Variants in GPATCH2 observed in about 807,000 individuals in gnomAD.
The protein encoded by GPATCH2 is G patch domain-containing protein 2.
Under a neutral mutation model 58.0 loss-of-function variants are expected in GPATCH2, and 51 were observed. The observed-to-expected ratio is 0.88, with a 90% CI of 0.70 to 1.11. GPATCH2 has a LOEUF of 1.11. Among genes scored for constraint, GPATCH2 ranks in the 50% most tolerant of loss-of-function variants. The probability of loss-of-function intolerance (pLI) is 0.00; values close to 1 mark genes in which losing one functional copy is unlikely to be tolerated. For synonymous variants in GPATCH2, 222 were observed against 218.5 expected, an observed-to-expected ratio of 1.02 and a Z score of -0.14; for missense variants, 625 against 652.2, an observed-to-expected ratio of 0.96 and a Z score of 0.45.
intron 5 of GPATCH2, among the ~76,000 whole-genome samples, chr1:217,517,128 A>C (rs1444653673): frequency 6.6e-6 from 1 of 152,214 alleles, no homozygotes; most frequent in Non-Finnish European, 1.5e-5. Flanking sequence ...AGCTCAGTTC[A>C]ACTGCAGCAA....
intron 5 of GPATCH2, among the ~76,000 whole-genome samples, chr1:217,585,408 G>C (rs746283110): frequency 2.0e-5 from 3 of 152,122 alleles, no homozygotes; most frequent in Non-Finnish European, 4.4e-5. Context: ...AAATCACGAG[G>C]TCGAGAGATT....
intron 5 of GPATCH2, chr1:217,608,287 G>A (rs1329765655): frequency 5.1e-6 from 5 of 978,150 alleles, no homozygotes; most frequent in Non-Finnish European, 4.9e-6. Flanking sequence ...AAAACCCGAA[G>A]GAGTCCATTG....
At chr1:217,540,823 AG>A (rs1193928570) in intron 5 of GPATCH2, among the ~76,000 whole-genome samples, 3 of 152,232 alleles carry the variant, frequency 2.0e-5, no homozygotes, top group Admixed American at 2.0e-4. Flanking sequence ...ACAGCTTCCA[AG>A]GTGGCATTTA....
intron 8 of GPATCH2, among the ~76,000 whole-genome samples, chr1:217,465,039 G>A (rs1660380051): frequency 6.6e-6 from 1 of 151,890 alleles, no homozygotes; most frequent in Non-Finnish European, 1.5e-5. Flanking sequence ...TAAAGGGACT[G>A]GATAGAAGGA....
intron 5 of GPATCH2, chr1:217,609,201 A>T (rs1013756849): frequency 1.3e-5 from 13 of 983,092 alleles, no homozygotes; most frequent in Non-Finnish European, 1.6e-5. Context: ...TAGAAACATT[A>T]CATTTTCCCC....
chr1:217,541,116 G>A (rs17046577), intron 5 of GPATCH2, among the ~76,000 whole-genome samples: 31,226 of 152,004 alleles, frequency 0.21, 3,808 homozygotes, highest in East Asian at 0.36. Context: ...TTCTTTCATC[G>A]GTAGGCAAGT....
intron 9 of GPATCH2, among the ~76,000 whole-genome samples, chr1:217,448,621 T>G (rs913046632): frequency 2.6e-5 from 4 of 152,212 alleles, no homozygotes; most frequent in African/African-American, 9.6e-5. Context: ...TCCTCTCCGA[T>G]CTACAGTGAC....
intron 5 of GPATCH2, among the ~76,000 whole-genome samples, chr1:217,573,284 A>G (rs957225932): frequency 6.6e-6 from 1 of 152,142 alleles, no homozygotes. Context: ...ACATTTGAAG[A>G]GGGTCTTTGT....
intron 9 of GPATCH2, among the ~76,000 whole-genome samples, chr1:217,437,234 C>A (rs1658879884): frequency 6.6e-6 from 1 of 152,164 alleles, no homozygotes; most frequent in African/African-American, 2.4e-5. Context: ...TCTTCACAAC[C>A]CGCAGACCAT....
intron 1 of GPATCH2, among the ~76,000 whole-genome samples, chr1:217,623,153 C>A (rs1350697521): frequency 2.0e-5 from 3 of 151,946 alleles, no homozygotes; most frequent in Non-Finnish European, 4.4e-5. Flanking sequence ...AAATCAATAT[C>A]CTCTCTCTCT....
At chr1:217,533,366 C>T (rs9633497) in intron 5 of GPATCH2, among the ~76,000 whole-genome samples, 87,180 of 152,020 alleles carry the variant, frequency 0.57, 26,279 homozygotes, top group East Asian at 0.84. Flanking sequence ...AAGCACACAC[C>T]TCCTGGAGAC....
intron 9 of GPATCH2, 98 bp from the exon 10 acceptor site, chr1:217,431,463 G>T (rs1658531598): frequency 2.6e-6 from 2 of 764,026 alleles, no homozygotes. Context: ...GTTTTGTTTT[G>T]TTTTTCAACC....
chr1:217,503,793 G>A (rs1357590542), intron 6 of GPATCH2, among the ~76,000 whole-genome samples: 2 of 151,776 alleles, frequency 1.3e-5, no homozygotes, highest in Non-Finnish European at 2.9e-5. Flanking sequence ...TGAATTCCAG[G>A]AGGAAAAAAA....
chr1:217,562,826 A>G (rs1665996030), intron 5 of GPATCH2, among the ~76,000 whole-genome samples: 1 of 152,176 alleles, frequency 6.6e-6, no homozygotes, highest in Admixed American at 6.5e-5. Context: ...AGTTGTTGTA[A>G]AGGTTAACTA....
intron 5 of GPATCH2, among the ~76,000 whole-genome samples, chr1:217,593,768 G>A (rs1667697465): frequency 6.6e-6 from 1 of 151,814 alleles, no homozygotes; most frequent in Non-Finnish European, 1.5e-5. Flanking sequence ...ATATGGTATT[G>A]TAAAAACCAT....
rs79725877 is a variant in GPATCH2 at position 217,461,556 on chromosome 1, T to G, written c.1278-12219A>C. ...TAATAAATAGTTATTGAATAAAATTTAACAAGGCATGTCAAGGCTTTTTTA... is the reference window on the plus strand; with the variant it reads ...TAATAAATAGTTATTGAATAAAATTGAACAAGGCATGTCAAGGCTTTTTTA... On this transcript the variant is annotated intron_variant, in intron 8 of 9. Coordinates refer to ENST00000366935, the MANE Select transcript of GPATCH2 (RefSeq NM_018040.5). 9.5e-4 allele frequency among the ~76,000 whole-genome samples: 144 copies of G among 152,344 alleles called. 1 individual carries two copies. The East Asian group carries it at 0.021, about 22-fold the overall frequency.
chr1:217,523,631 C>T (rs1237535405), intron 5 of GPATCH2, among the ~76,000 whole-genome samples: 1 of 151,776 alleles, frequency 6.6e-6, no homozygotes, highest in Non-Finnish European at 1.5e-5. Context: ...CCTTTCCCCC[C>T]TTTCTATTCC....
At chr1:217,435,724 T>C (rs1202260114) in intron 9 of GPATCH2, among the ~76,000 whole-genome samples, 7 of 152,226 alleles carry the variant, frequency 4.6e-5, no homozygotes, top group Admixed American at 3.9e-4. Flanking sequence ...CTGTCCTCTG[T>C]TCTCAGCAAC....
At position 217,429,404 on chromosome 1, in the gene GPATCH2, A is replaced by G. The variant is rs1658436026; in HGVS notation, c.*1741T>C. 1 of 152,204 alleles carries G rather than the reference A, an allele frequency of 6.6e-6. No individual in the cohort carries two copies. The allele number at this position is 152,204 out of a possible 1,614,324, so 9.4% of individuals were successfully genotyped here. On this transcript the variant is annotated 3_prime_UTR_variant, in exon 10 of 10. Transcript: ENST00000366935. ...AAAGAAGATAATTCTCAAGAAATGT[A>G]CATTTGGCAAACCGTGAAGGCTTTC... is the stretch of plus-strand genomic sequence containing the variant.
Sources: allele counts gnomAD v4.1 joint callset (sites outside exome capture counted in the v4.1 genomes callset), GRCh38; gene constraint gnomAD v4.1.1; transcripts MANE v1.5; gene names NCBI Gene and HGNC (gene_info 2026-07-23, HGNC 2026-07-21).